The following CAPRIN2 variants were observed in gnomAD, a reference collection of about 807,000 sequenced individuals.
CAPRIN2 encodes caprin-2.
In CAPRIN2, 66 loss-of-function variants were observed where a neutral mutation model predicts 130.4. The observed-to-expected ratio is 0.51, with a 90% CI of 0.42 to 0.62. CAPRIN2 has a LOEUF of 0.62. Ranked by LOEUF, CAPRIN2 falls within the 20% of genes least tolerant of loss-of-function variation. The pLI is 0.00. For synonymous variants in CAPRIN2, 471 were observed against 444.1 expected (o/e 1.06, Z -0.76); for missense variants, 1,185 against 1,246.6 (o/e 0.95, Z 0.74).
At chr12:30,713,880 C>A in exon 15 of CAPRIN2, 2 of 1,567,050 alleles carry the variant, frequency 1.3e-6, no homozygotes, top group South Asian at 2.2e-5. Context: ...CTATAAGTAT[C>A]AAAACCTAAT....
At chr12:30,719,134 G>A (rs1285769899) in intron 12 of CAPRIN2, 3 of 1,614,110 alleles carry the variant, frequency 1.9e-6, no homozygotes. Flanking sequence ...ACTACTTGCT[G>A]GAGGTGACTG....
intron 2 of CAPRIN2, among the ~76,000 whole-genome samples, chr12:30,749,410 G>A (rs1042587861): frequency 2.6e-5 from 4 of 152,188 alleles, no homozygotes; most frequent in African/African-American, 9.7e-5. Context: ...TTACTACGTT[G>A]AACAGACTTG....
At chr12:30,734,344 C>T (rs1476022359) in intron 4 of CAPRIN2, among the ~76,000 whole-genome samples, 1 of 152,140 alleles carries the variant, frequency 6.6e-6, no homozygotes, top group Non-Finnish European at 1.5e-5. Context: ...TAGCCTGCAT[C>T]TAACAAAGCA....
At chr12:30,746,710 G>A (rs1485347633) in intron 2 of CAPRIN2, among the ~76,000 whole-genome samples, 1 of 152,200 alleles carries the variant, frequency 6.6e-6, no homozygotes, top group African/African-American at 2.4e-5. Context: ...ATTCTGTGAA[G>A]GCTGAGAGAC....
At chr12:30,735,573 A>T (rs2064380475) in intron 3 of CAPRIN2, among the ~76,000 whole-genome samples, 1 of 152,038 alleles carries the variant, frequency 6.6e-6, no homozygotes, top group Non-Finnish European at 1.5e-5. Flanking sequence ...GATTTTTTTT[A>T]AATTTCATAT....
intron 1 of CAPRIN2, among the ~76,000 whole-genome samples, chr12:30,752,758 C>T (rs911832429): frequency 2.5e-5 from 3 of 118,402 alleles, no homozygotes; most frequent in Non-Finnish European, 5.8e-5. Context: ...AAGCAACGTG[C>T]AGTCTGTTTC....
intron 2 of CAPRIN2, among the ~76,000 whole-genome samples, chr12:30,749,480 G>A (rs142747741): frequency 2.2e-4 from 33 of 152,274 alleles, no homozygotes; most frequent in African/African-American, 7.0e-4. Flanking sequence ...AATAAGTAAC[G>A]CAGATGAAAG....
intron 14 of CAPRIN2, among the ~76,000 whole-genome samples, chr12:30,714,322 C>T (rs1313488890): frequency 1.3e-5 from 2 of 152,192 alleles, no homozygotes; most frequent in African/African-American, 4.8e-5. Flanking sequence ...GCTGGGACTA[C>T]AGGTGCATAT....
intron 2 of CAPRIN2, among the ~76,000 whole-genome samples, 164 bp downstream of exon 3, chr12:30,750,907 G>A (rs189316903): frequency 6.6e-6 from 1 of 152,312 alleles, no homozygotes; most frequent in Non-Finnish European, 1.5e-5. Flanking sequence ...TCATATCTGA[G>A]ATCTAACAGG....
chr12:30,728,593 C>T (rs571522888), intron 8 of CAPRIN2, 55 bp downstream of exon 9: 131 of 1,405,584 alleles, frequency 9.3e-5, no homozygotes, highest in Non-Finnish European at 1.1e-4. Flanking sequence ...GTCATTACCA[C>T]GACACCTTAT....
chr12:30,752,572 TAAAAA>T (rs201247925), intron 1 of CAPRIN2, among the ~76,000 whole-genome samples: 1 of 129,318 alleles, frequency 7.7e-6, no homozygotes. Context: ...TTTCTTAGGT[TAAAAA>T]AAAAAAAAAA....
chr12:30,731,542 C>A (rs1423500405), intron 5 of CAPRIN2, 32 bp from the exon 7 acceptor site: 2 of 1,562,334 alleles, frequency 1.3e-6, no homozygotes, highest in Admixed American at 1.8e-5. Context: ...TTAATTGTCA[C>A]ATGACCTAAT....
exon 11 of CAPRIN2, chr12:30,723,313 T>C (rs771097053): frequency 6.2e-7 from 1 of 1,609,830 alleles, no homozygotes; most frequent in Admixed American, 1.7e-5. Flanking sequence ...GTTCTTTAGA[T>C]GCTGCAAGGA....
chr12:30,718,061 T>C lies in CAPRIN2; in HGVS notation c.2149-1385A>G, dbSNP rs188299078. ...ATTCAAACAGGCAGAGAAAACAGAT[T>C]GGCATGAGCAAAAGGTACTGTGACA... On this transcript the variant is annotated intron_variant, in intron 12 of 16. Transcript: ENST00000298892. 4.1e-3 allele frequency among the ~76,000 whole-genome samples: 623 copies of C among 152,288 alleles called. 3 individuals are homozygous for C. The highest frequency in any genetic ancestry group is 0.014 in the African/African-American group (566 of 41,566).
chr12:30,721,579 C>T (rs1312856634), intron 11 of CAPRIN2, among the ~76,000 whole-genome samples: 1 of 152,184 alleles, frequency 6.6e-6, no homozygotes, highest in African/African-American at 2.4e-5. Flanking sequence ...GGAAAGAATT[C>T]TATCGCACAA....
intron 16 of CAPRIN2, 148 bp downstream of exon 18, chr12:30,711,418 G>C: frequency 1.5e-6 from 1 of 649,572 alleles, no homozygotes; most frequent in Non-Finnish European, 2.7e-6. Context: ...ATCTCCCTTA[G>C]TACTTTAGTA....
At chr12:30,753,295 CTTAATCT>C (rs1565730656) in intron 1 of CAPRIN2, 42 bp downstream of exon 2, 1 of 1,469,640 alleles carries the variant, frequency 6.8e-7, no homozygotes, top group African/African-American at 1.4e-5. Context: ...ATGTCAGCTC[CTTAATCT>C]TTAAGATCAT....
intron 11 of CAPRIN2, among the ~76,000 whole-genome samples, chr12:30,722,978 T>C (rs938007557): frequency 1.3e-5 from 2 of 152,202 alleles, no homozygotes; most frequent in African/African-American, 4.8e-5. Context: ...ATTACTTAAG[T>C]AGCTCAAGAG....
rs2054012427 is a variant in CAPRIN2, at chr12:30,710,608, T to C, written c.2666-138A>G. 1 of 1,327,186 alleles carries C rather than the reference T, an allele frequency of 7.5e-7. No homozygotes were observed. The highest frequency in any genetic ancestry group is 1.5e-5 in the African/African-American group (1 of 67,516). 82.2% of individuals were successfully genotyped at this position (1,327,186 alleles called of 1,614,324 possible). ...AAAACAAAAGCAATATATAGCTAGA[T>C]TATACTTTTCTAGATTTTTCTGGTA... On this transcript the variant is annotated intron_variant, in intron 16 of 16. Coordinates refer to ENST00000298892, the Ensembl canonical transcript of CAPRIN2. This position sits in a 1 kb window ranked among gnomAD's most constrained non-coding sequence, Gnocchi z 4.8.
Sources: gnomAD v4.1 joint callset for allele counts (sites outside exome capture counted in the v4.1 genomes callset) on GRCh38, gnomAD v4.1.1 for gene constraint, Gnocchi (gnomAD v3.1) non-coding constraint, MANE v1.5 for transcripts, NCBI Gene and HGNC (gene_info 2026-07-23, HGNC 2026-07-21) for gene names.